PTPRR: variants seen among roughly 807,000 people sequenced by gnomAD.
The protein encoded by PTPRR is receptor-type tyrosine-protein phosphatase R.
Under a neutral mutation model 77.2 loss-of-function variants are expected in PTPRR, and 38 were observed. The ratio of observed to expected loss-of-function variants is 0.49; its 90% CI spans 0.38 to 0.65. The LOEUF (loss-of-function observed/expected upper bound fraction) is 0.65. PTPRR is among the 30% of genes least tolerant of loss of function. PTPRR has a pLI of 0.00. For synonymous variants in PTPRR, 299 were observed against 283.1 expected, an observed-to-expected ratio of 1.06 and a Z score of -0.57; for missense variants, 744 against 799.2, an observed-to-expected ratio of 0.93 and a Z score of 0.83.
intron 10 of PTPRR, among the ~76,000 whole-genome samples, chr12:70,676,179 T>C (rs1887439737): frequency 6.6e-6 from 1 of 151,962 alleles, no homozygotes; most frequent in African/African-American, 2.4e-5. Flanking sequence ...GACACTCTTT[T>C]TTATTTTTTT....
intron 2 of PTPRR, among the ~76,000 whole-genome samples, chr12:70,888,795 C>T (rs906369277): frequency 1.3e-5 from 2 of 151,940 alleles, no homozygotes; most frequent in Non-Finnish European, 2.9e-5. Context: ...TCTGCTTCTC[C>T]ACAGCTCAAC....
chr12:70,694,642 G>A (rs150042350), intron 8 of PTPRR, among the ~76,000 whole-genome samples: 139 of 151,792 alleles, frequency 9.2e-4, no homozygotes, highest in African/African-American at 3.1e-3. Flanking sequence ...ATAGTAACTG[G>A]GACTCCAAAA....
intron 2 of PTPRR, among the ~76,000 whole-genome samples, chr12:70,790,858 A>G (rs1227912701): frequency 2.0e-5 from 3 of 152,096 alleles, no homozygotes; most frequent in Admixed American, 6.6e-5. Context: ...AAGAGACAAA[A>G]AACAAAAACA....
At chr12:70,843,808 A>ATTTT (rs201003875) in intron 2 of PTPRR, among the ~76,000 whole-genome samples, 16 of 124,642 alleles carry the variant, frequency 1.3e-4, no homozygotes, top group Non-Finnish European at 2.2e-4. Flanking sequence ...GTTGCTGAAA[A>ATTTT]TTTTTTTTTT....
At chr12:70,907,534 G>C (rs1893640089) in intron 1 of PTPRR, among the ~76,000 whole-genome samples, 2 of 152,120 alleles carry the variant, frequency 1.3e-5, no homozygotes, top group South Asian at 4.1e-4. Context: ...TTTGCTGGTG[G>C]TAAAATTGCA....
chr12:70,867,228 C>T lies in PTPRR; in HGVS notation c.357+25451G>A, dbSNP rs1334417234. Among the ~76,000 whole-genome samples the T allele has an allele frequency of 3.6e-4, 55 of 151,952 alleles. No homozygotes were observed. In the East Asian group the frequency reaches 3.7e-3, roughly 10 times the overall value. On this transcript the variant is annotated intron_variant, in intron 2 of 13. Coordinates refer to ENST00000283228, the MANE Select transcript of PTPRR (RefSeq NM_002849.4). ...GAGAAGGAAATAAAGGGTATTCAAT[C>T]AGGAAAAGAGGAAGTCAAATTGTCC...
intron 2 of PTPRR, among the ~76,000 whole-genome samples, chr12:70,783,987 C>T (rs868806204): frequency 6.6e-6 from 1 of 151,990 alleles, no homozygotes; most frequent in Non-Finnish European, 1.5e-5. Flanking sequence ...AGCGGGTGCC[C>T]GGAGTAGGGA....
intron 2 of PTPRR, among the ~76,000 whole-genome samples, chr12:70,775,832 G>A (rs1891075727): frequency 1.3e-5 from 2 of 151,880 alleles, no homozygotes; most frequent in Non-Finnish European, 2.9e-5. Context: ...CTTGGCCAAG[G>A]AGTTGGAATG....
At chr12:70,796,217 C>G (rs945742278) in intron 2 of PTPRR, among the ~76,000 whole-genome samples, 6 of 152,182 alleles carry the variant, frequency 3.9e-5, no homozygotes, top group East Asian at 1.9e-4. Flanking sequence ...AGCCGCCATG[C>G]CTGGCCGTAT....
At chr12:70,715,217 C>T (rs1362529557) in intron 6 of PTPRR, among the ~76,000 whole-genome samples, 2 of 151,862 alleles carry the variant, frequency 1.3e-5, no homozygotes, top group African/African-American at 2.4e-5. Context: ...CCCCACAAGC[C>T]GTAAAACCAG....
intron 6 of PTPRR, among the ~76,000 whole-genome samples, chr12:70,737,244 G>C (rs1889892643): frequency 6.6e-6 from 1 of 152,002 alleles, no homozygotes; most frequent in Admixed American, 6.6e-5. Flanking sequence ...TCAGGCTGAG[G>C]GTAGATGGCT....
At chr12:70,833,274 G>A (rs1019993286) in intron 2 of PTPRR, among the ~76,000 whole-genome samples, 1 of 152,132 alleles carries the variant, frequency 6.6e-6, no homozygotes, top group Non-Finnish European at 1.5e-5. Flanking sequence ...CATAGAGGTT[G>A]CCACTCAGAT....
chr12:70,875,316 T>C (rs1893032189), intron 2 of PTPRR, among the ~76,000 whole-genome samples: 1 of 152,192 alleles, frequency 6.6e-6, no homozygotes, highest in Admixed American at 6.5e-5. Context: ...TACATATTTT[T>C]GTGTGATTGT....
At chr12:70,772,950 T>G (rs1323240666) in intron 2 of PTPRR, among the ~76,000 whole-genome samples, 1 of 152,196 alleles carries the variant, frequency 6.6e-6, no homozygotes, top group Non-Finnish European at 1.5e-5. Flanking sequence ...AAAGTGTCAG[T>G]GGGGCCATGT....
intron 12 of PTPRR, among the ~76,000 whole-genome samples, chr12:70,658,464 T>C (rs1886662706): frequency 6.6e-6 from 1 of 152,202 alleles, no homozygotes; most frequent in Non-Finnish European, 1.5e-5. Context: ...TTCATTTCAT[T>C]GAAGAAATAG....
chr12:70,795,965 C>G (rs764054591), intron 2 of PTPRR, among the ~76,000 whole-genome samples: 1 of 115,090 alleles, frequency 8.7e-6, no homozygotes, highest in Non-Finnish European at 1.6e-5. Context: ...GCCCTGTGAC[C>G]CAGGCTGGAG....
chr12:70,721,686 A>G (rs1889259338), intron 6 of PTPRR, among the ~76,000 whole-genome samples: 1 of 152,184 alleles, frequency 6.6e-6, no homozygotes, highest in South Asian at 2.1e-4. Flanking sequence ...TCTGCACAGT[A>G]TAGGATTCAT....
At chr12:70,738,329 T>A (rs1889939904) in intron 6 of PTPRR, among the ~76,000 whole-genome samples, 1 of 152,218 alleles carries the variant, frequency 6.6e-6, no homozygotes, top group African/African-American at 2.4e-5. Flanking sequence ...GGGGGCCTAC[T>A]GAGACCTCCG....
chr12:70,724,127 C>T (rs1208784762), intron 6 of PTPRR, among the ~76,000 whole-genome samples: 1 of 152,104 alleles, frequency 6.6e-6, no homozygotes, highest in Non-Finnish European at 1.5e-5. Context: ...TACTTCATAT[C>T]CTTTCATTCT....
Sources: allele counts gnomAD v4.1 joint callset (sites outside exome capture counted in the v4.1 genomes callset), GRCh38; gene constraint gnomAD v4.1.1; transcripts MANE v1.5; gene names NCBI Gene and HGNC (gene_info 2026-07-23, HGNC 2026-07-21).